The following WASF1 variants were observed in gnomAD, a reference collection of about 807,000 sequenced individuals.
The protein encoded by WASF1 is actin-binding protein WASF1.
Under a neutral mutation model 50.5 loss-of-function variants are expected in WASF1, and 7 were observed. The ratio of observed to expected loss-of-function variants is 0.14; its 90% CI spans 0.08 to 0.26. WASF1 has a LOEUF of 0.26. WASF1 is among the 10% of genes least tolerant of loss of function. The pLI, the probability that WASF1 is intolerant of heterozygous loss-of-function variation, is 1.00. For synonymous variants in WASF1, 205 were observed against 244.0 expected (o/e 0.84, Z 1.49); for missense variants, 470 against 694.7 (o/e 0.68, Z 3.64).
At chr6:110,135,949 T>C (rs1324279861) in intron 3 of WASF1, among the ~76,000 whole-genome samples, 3 of 137,206 alleles carry the variant, frequency 2.2e-5, no homozygotes, top group African/African-American at 8.1e-5. Context: ...AGTGGCGCAA[T>C]CTCAACTCAC....
At chr6:110,178,963 T>C (rs190761221) in intron 1 of WASF1, among the ~76,000 whole-genome samples, 1 of 152,290 alleles carries the variant, frequency 6.6e-6, no homozygotes, top group East Asian at 1.9e-4. Flanking sequence ...CGCTTTACCG[T>C]TATGTTTTCA....
chr6:110,108,551 A>C lies in WASF1; in HGVS notation c.399T>G (p.Pro133=). ...ACCTATAAGGAGTGAGTATATTGAGAGGTGGAGGCTGTTCACAAACATCGT... is the reference window on the plus strand; with the variant it reads ...ACCTATAAGGAGTGAGTATATTGAGCGGTGGAGGCTGTTCACAAACATCGT... ...ETYDVCEQPP[P]LNILTPYRDD... is the part of the protein sequence containing the mutation. Residue 133 remains proline, a synonymous_variant, in exon 6 of 11, where the codon CCT becomes CCG. Transcript: ENST00000392589. The C allele has an allele frequency of 6.2e-7, 1 of 1,613,626 alleles. No homozygotes were observed. Among genetic ancestry groups the C allele is most frequent in the South Asian group, 1.1e-5 (1 of 90,968 alleles).
intron 3 of WASF1, among the ~76,000 whole-genome samples, chr6:110,144,865 T>C (rs924099715): frequency 3.3e-5 from 5 of 152,328 alleles, no homozygotes; most frequent in Admixed American, 6.5e-5. Flanking sequence ...ACTGTAGCCT[T>C]GTAGTGTAGT....
At chr6:110,122,091 G>A (rs554639878) in intron 4 of WASF1, among the ~76,000 whole-genome samples, 85 of 152,138 alleles carry the variant, frequency 5.6e-4, no homozygotes, top group Non-Finnish European at 1.1e-3. Flanking sequence ...TGTAAATGAC[G>A]AGTTGATGGG....
chr6:110,118,277 G>A (rs112370980), intron 4 of WASF1, among the ~76,000 whole-genome samples: 17,946 of 136,754 alleles, frequency 0.13, 1,369 homozygotes, highest in Middle Eastern at 0.21. Context: ...CATCTCACAT[G>A]CTCACATGCA....
chr6:110,159,176 T>A (rs1301134800), intron 3 of WASF1, among the ~76,000 whole-genome samples: 1 of 151,942 alleles, frequency 6.6e-6, no homozygotes, highest in Non-Finnish European at 1.5e-5. Flanking sequence ...AATTACAGAT[T>A]ACTTTAAAAA....
chr6:110,177,067 T>C (rs775538539), intron 2 of WASF1: 1 of 152,060 alleles, frequency 6.6e-6, no homozygotes, highest in Non-Finnish European at 1.5e-5. Context: ...TAATTAAATA[T>C]AGTCTTATAC....
At chr6:110,173,155 G>A (rs1226303331) in intron 2 of WASF1, among the ~76,000 whole-genome samples, 56 of 151,916 alleles carry the variant, frequency 3.7e-4, no homozygotes, top group Non-Finnish European at 1.5e-5. Flanking sequence ...TGACTTTTTT[G>A]GTAAAGGAAT....
At chr6:110,127,358 G>GT in intron 4 of WASF1, 111 bp downstream of exon 4, 1 of 916,112 alleles carries the variant, frequency 1.1e-6, no homozygotes, top group East Asian at 3.2e-5. Context: ...GGATAATTTT[G>GT]TACTCTTCTC....
At chr6:110,175,857 T>A (rs1776907098) in intron 2 of WASF1, among the ~76,000 whole-genome samples, 2 of 152,164 alleles carry the variant, frequency 1.3e-5, no homozygotes, top group Admixed American at 1.3e-4. Flanking sequence ...TGAAACTTAT[T>A]TTTCCCATAG....
At chr6:110,165,801 T>C (rs1240373014) in intron 2 of WASF1, among the ~76,000 whole-genome samples, 1 of 151,676 alleles carries the variant, frequency 6.6e-6, no homozygotes, top group African/African-American at 2.4e-5. Flanking sequence ...CATATTTTGG[T>C]ATCACCCCTG....
chr6:110,159,101 T>A (rs749113071), intron 3 of WASF1, among the ~76,000 whole-genome samples: 1 of 151,990 alleles, frequency 6.6e-6, no homozygotes, highest in East Asian at 1.9e-4. Flanking sequence ...TTTCTCCGTA[T>A]GTCCCATAGC....
At chr6:110,120,666 C>T (rs1160464532) in intron 4 of WASF1, among the ~76,000 whole-genome samples, 1 of 152,188 alleles carries the variant, frequency 6.6e-6, no homozygotes, top group Non-Finnish European at 1.5e-5. Flanking sequence ...TGACTTTCTT[C>T]ACAGAATTGG....
intron 3 of WASF1, among the ~76,000 whole-genome samples, chr6:110,149,076 C>A (rs1775707572): frequency 6.6e-6 from 1 of 152,102 alleles, no homozygotes; most frequent in Non-Finnish European, 1.5e-5. Context: ...ATATGTACAA[C>A]CAAGTAACTG....
chr6:110,124,191 GTC>G (rs759865889), intron 4 of WASF1, among the ~76,000 whole-genome samples: 41 of 91,248 alleles, frequency 4.5e-4, no homozygotes, highest in East Asian at 3.5e-3. Flanking sequence ...CCCCATCAGC[GTC>G]TCTCTCTCTC....
At chr6:110,122,508 T>C (rs547421102) in intron 4 of WASF1, among the ~76,000 whole-genome samples, 1 of 152,166 alleles carries the variant, frequency 6.6e-6, no homozygotes. Context: ...CTACTACTTC[T>C]ACCTCCTCCA....
chr6:110,129,598 G>A (rs964746094), intron 3 of WASF1, among the ~76,000 whole-genome samples: 2 of 152,124 alleles, frequency 1.3e-5, no homozygotes, highest in Non-Finnish European at 2.9e-5. Context: ...AAGATAAAAC[G>A]TTGGAAGCTA....
intron 4 of WASF1, among the ~76,000 whole-genome samples, chr6:110,117,243 T>C (rs1055400870): frequency 2.9e-4 from 44 of 152,258 alleles, no homozygotes; most frequent in Non-Finnish European, 1.9e-4. Flanking sequence ...TCTAACCAAT[T>C]GCAAGGAAGC....
intron 5 of WASF1, among the ~76,000 whole-genome samples, chr6:110,108,991 T>C (rs372368661): frequency 6.6e-6 from 1 of 152,212 alleles, no homozygotes; most frequent in African/African-American, 2.4e-5. Flanking sequence ...CTACCTGCCA[T>C]CATGGGCCCC....
Sources: gnomAD v4.1 joint callset for allele counts (sites outside exome capture counted in the v4.1 genomes callset) on GRCh38, gnomAD v4.1.1 for gene constraint, MANE v1.5 for transcripts, NCBI Gene and HGNC (gene_info 2026-07-23, HGNC 2026-07-21) for gene names.